PLCB1: variants seen among roughly 807,000 people sequenced by gnomAD.
The protein encoded by PLCB1 is phospholipase C beta 1.
Under a neutral mutation model 161.8 loss-of-function variants are expected in PLCB1, and 46 were observed. That is an observed-to-expected ratio of 0.28 (90% CI 0.22 to 0.36). The LOEUF (loss-of-function observed/expected upper bound fraction) is 0.36. PLCB1 is among the 10% of genes least tolerant of loss of function. The pLI is 1.00. For synonymous variants in PLCB1, 517 were observed against 503.7 expected, an observed-to-expected ratio of 1.03 and a Z score of -0.35; for missense variants, 1,016 against 1,472.5, an observed-to-expected ratio of 0.69 and a Z score of 5.07.
chr20:8,302,845 T>A (rs1198175695), intron 2 of PLCB1, among the ~76,000 whole-genome samples: 1 of 152,214 alleles, frequency 6.6e-6, no homozygotes, highest in East Asian at 1.9e-4. Context: ...AATGATCTTC[T>A]TTATTAAATA....
intron 3 of PLCB1, among the ~76,000 whole-genome samples, chr20:8,448,631 A>C (rs1980940015): frequency 2.0e-5 from 3 of 152,210 alleles, no homozygotes; most frequent in African/African-American, 7.2e-5. Flanking sequence ...TCTTTCTGAG[A>C]AAACTTGGAG....
rs896889305 is a variant in PLCB1, at chr20:8,697,285, A to AT, written c.1010-334dup. 3.6e-4 allele frequency among the ~76,000 whole-genome samples: 55 copies of AT among 152,276 alleles called. No individual in the cohort carries two copies. The East Asian group carries it at 6.2e-3, about 17-fold the overall frequency. ...TGCCATTTTATTATGTGAAATGGGT[A>AT]TTTTTTTATTAAATAGTTATGCCAC... On this transcript the variant is annotated intron_variant, in intron 10 of 31. Coordinates refer to ENST00000338037, the MANE Select transcript of PLCB1 (RefSeq NM_015192.4).
chr20:8,177,614 G>GTATTATTAT (rs551355156), intron 2 of PLCB1, among the ~76,000 whole-genome samples: 50 of 151,444 alleles, frequency 3.3e-4, no homozygotes, highest in Non-Finnish European at 4.9e-4. Flanking sequence ...CAGGGCCCAA[G>GTATTATTAT]TATTATTATT....
chr20:8,251,481 A>G (rs1297738983), intron 2 of PLCB1, among the ~76,000 whole-genome samples: 1 of 151,946 alleles, frequency 6.6e-6, no homozygotes, highest in African/African-American at 2.4e-5. Flanking sequence ...CAACATGGTC[A>G]AAAGCATGAA....
In PLCB1 at chr20:8,780,988, A is replaced by G. The variant is rs566084305; in HGVS notation, c.3111+6269A>G. 1.7e-4 allele frequency among the ~76,000 whole-genome samples: 26 copies of G among 152,392 alleles called. 1 individual carries two copies. The highest frequency in any genetic ancestry group is 5.8e-4 in the African/African-American group (24 of 41,602). ...ATATGCACTTCAAATATAAACAAGT[A>G]TTACAGTTTTTTATATCTTGCTACA... On this transcript the variant is annotated intron_variant, in intron 27 of 31. Coordinates refer to ENST00000338037, the MANE Select transcript of PLCB1 (RefSeq NM_015192.4).
intron 3 of PLCB1, among the ~76,000 whole-genome samples, chr20:8,547,033 T>C (rs2058162342): frequency 6.6e-6 from 1 of 152,206 alleles, no homozygotes; most frequent in Non-Finnish European, 1.5e-5. Flanking sequence ...ACTGGTGAAA[T>C]GGCCCACTGA....
intron 3 of PLCB1, among the ~76,000 whole-genome samples, chr20:8,443,707 A>C (rs185460697): frequency 1.4e-4 from 22 of 152,294 alleles, no homozygotes; most frequent in Non-Finnish European, 2.5e-4. Context: ...TTATTTGGTT[A>C]TTCCCTATTC....
chr20:8,788,479 G>C lies in PLCB1; in HGVS notation c.3142G>C (p.Glu1048Gln). The C allele has an allele frequency of 1.9e-6, 3 of 1,613,738 alleles. No homozygotes were observed. The highest frequency in any genetic ancestry group is 2.5e-6 in the Non-Finnish European group (3 of 1,179,898). Residue 1048 changes from glutamate (E) to glutamine (Q), a missense_variant, in exon 28 of 32, where the codon GAG becomes CAG. Transcript: ENST00000338037. ...TCAAAAGTTGACGGATGTCGCAGAA[G>C]AGTGTCAGAACAATCAGTTAAAGAA... The part of the protein sequence containing the change: ...LIQKLTDVAE[E>Q]CQNNQLKKLK...
chr20:8,178,691 G>A (rs1218349570), intron 2 of PLCB1, among the ~76,000 whole-genome samples: 1 of 152,114 alleles, frequency 6.6e-6, no homozygotes, highest in Non-Finnish European at 1.5e-5. Flanking sequence ...TGGCATCTTC[G>A]ACACAAAATT....
At chr20:8,172,114 C>T (rs1388180155) in intron 2 of PLCB1, among the ~76,000 whole-genome samples, 1 of 152,132 alleles carries the variant, frequency 6.6e-6, no homozygotes, top group Non-Finnish European at 1.5e-5. Context: ...TTCACTTATT[C>T]AGCACAATTT....
chr20:8,842,730 GGGCTGCAT>G (rs1338831834), intron 31 of PLCB1, among the ~76,000 whole-genome samples: 1 of 152,082 alleles, frequency 6.6e-6, no homozygotes, highest in Non-Finnish European at 1.5e-5. Context: ...GCGTGACTGG[GGGCTGCAT>G]GCACCGGTAA....
At chr20:8,235,313 T>G (rs1465572973) in intron 2 of PLCB1, among the ~76,000 whole-genome samples, 1 of 152,160 alleles carries the variant, frequency 6.6e-6, no homozygotes, top group South Asian at 2.1e-4. Flanking sequence ...ATTGAAGTTG[T>G]CCTTAGATAA....
chr20:8,378,233 G>A (rs1255594137), intron 3 of PLCB1, among the ~76,000 whole-genome samples: 2 of 152,166 alleles, frequency 1.3e-5, no homozygotes, highest in Admixed American at 1.3e-4. Context: ...AAGACATTAT[G>A]CTGAGTGAAA....
At chr20:8,737,696 A>G (rs949786762) in intron 20 of PLCB1, among the ~76,000 whole-genome samples, 1 of 152,196 alleles carries the variant, frequency 6.6e-6, no homozygotes, top group Non-Finnish European at 1.5e-5. Context: ...TTCACCAAAA[A>G]GCAAATCTTC....
intron 3 of PLCB1, among the ~76,000 whole-genome samples, chr20:8,425,913 C>T (rs1250033935): frequency 1.3e-5 from 2 of 152,120 alleles, no homozygotes; most frequent in Non-Finnish European, 2.9e-5. Flanking sequence ...TGTGAGAGCA[C>T]TTCTGTGCTG....
chr20:8,715,903 G>T (rs1026242432), intron 12 of PLCB1: 1 of 204,112 alleles, frequency 4.9e-6, no homozygotes, highest in Non-Finnish European at 9.9e-6. Context: ...ATATGAAAGG[G>T]TTCTTTCTCC....
At chr20:8,550,636 C>T (rs574230318) in intron 3 of PLCB1, among the ~76,000 whole-genome samples, 2 of 152,296 alleles carry the variant, frequency 1.3e-5, no homozygotes, top group African/African-American at 4.8e-5. Flanking sequence ...AATGGACTTA[C>T]ATACTTCCCC....
rs573587967 is a variant in PLCB1 at position 8,510,806 on chromosome 20, G to A, written c.247-117488G>A. Among the ~76,000 whole-genome samples the A allele has an allele frequency of 3.5e-4, 53 of 152,260 alleles. 1 individual carries two copies. The South Asian group carries it at 5.8e-3, about 17-fold the overall frequency. Reference sequence around the variant, plus strand: ...CTTTAATTACTACTTCTGAAAGAGAGGGTTTTTACTAGGACTTTTTCTGAC... The same window carrying A: ...CTTTAATTACTACTTCTGAAAGAGAAGGTTTTTACTAGGACTTTTTCTGAC... On this transcript the variant is annotated intron_variant, in intron 3 of 31. Transcript: ENST00000338037.
At chr20:8,446,743 A>G (rs227134) in intron 3 of PLCB1, among the ~76,000 whole-genome samples, 49,789 of 152,034 alleles carry the variant, frequency 0.33, 8,529 homozygotes, top group Non-Finnish European at 0.37. Flanking sequence ...AAATTAGTAG[A>G]AGGAGACCGT....
Sources: allele counts gnomAD v4.1 joint callset (sites outside exome capture counted in the v4.1 genomes callset), GRCh38; gene constraint gnomAD v4.1.1; transcripts MANE v1.5; gene names NCBI Gene and HGNC (gene_info 2026-07-23, HGNC 2026-07-21).